The following CD96 variants were observed in gnomAD, a reference collection of about 807,000 sequenced individuals.
CD96 encodes the protein T-cell surface protein tactile.
A neutral mutation model predicts 71.3 loss-of-function variants in CD96; 70 were observed. That is an observed-to-expected ratio of 0.98 (90% CI 0.81 to 1.20). The LOEUF is 1.20. CD96 is among the 50% of genes most tolerant of loss of function. The pLI, the probability that CD96 is intolerant of heterozygous loss-of-function variation, is 0.00. For missense variants in CD96, 742 were observed against 677.5 expected (o/e 1.10, Z -1.06); for synonymous variants, 248 against 233.0 (o/e 1.06, Z -0.59).
chr3:111,659,154 T>A (rs1940298483), intron 14 of CD96, among the ~76,000 whole-genome samples: 1 of 152,212 alleles, frequency 6.6e-6, no homozygotes, highest in Non-Finnish European at 1.5e-5. Flanking sequence ...TCCTCTAGAT[T>A]TTCTAACTTC....
intron 4 of CD96, among the ~76,000 whole-genome samples, chr3:111,584,285 C>A (rs1481315561): frequency 6.6e-6 from 1 of 152,178 alleles, no homozygotes; most frequent in Non-Finnish European, 1.5e-5. Flanking sequence ...TTGTTCATAT[C>A]ACCATCAGCA....
rs943974653 is a variant in CD96, at chr3:111,649,847, C to A, written c.*41C>A. 4.1e-6 allele frequency: 5 copies of A among 1,212,220 alleles called. No individual in the cohort carries two copies. The highest frequency in any genetic ancestry group is 1.9e-4 in the Middle Eastern group (1 of 5,342). The allele number at this position is 1,212,220 out of a possible 1,614,324, so 75.1% of individuals were successfully genotyped here. A position where few individuals can be genotyped will look rare whatever the true frequency, so the allele number is the denominator to read the frequency against. On this transcript the variant is annotated 3_prime_UTR_variant, in exon 14 of 14. Coordinates refer to ENST00000352690, the MANE Select transcript of CD96 (RefSeq NM_005816.5). ...CCCCATGGCAGAACTCTGCTGGAAT[C>A]CTATTGAGAAGGTAGACATTGTGCT...
intron 9 of CD96, among the ~76,000 whole-genome samples, 158 bp downstream of exon 9, chr3:111,623,980 A>G (rs1938628250): frequency 6.6e-6 from 1 of 152,206 alleles, no homozygotes; most frequent in Non-Finnish European, 1.5e-5. Context: ...GTGACTATAT[A>G]TTGATATGAC....
At position 111,573,476 on chromosome 3, in the gene CD96, G is replaced by A. The variant is rs369957365; in HGVS notation, c.544-5551G>A. Among the ~76,000 whole-genome samples the A allele has an allele frequency of 1.3e-4, 20 of 152,278 alleles. No homozygotes were observed. In the East Asian group the frequency reaches 3.3e-3, roughly 25 times the overall value. On this transcript the variant is annotated intron_variant, in intron 3 of 13. Transcript: ENST00000352690. ...CTTAGAAAAGGTTATATCTGAGCTGGATAATTAAATAGTTGGCTAGCAAAA... is the reference window on the plus strand; with the variant it reads ...CTTAGAAAAGGTTATATCTGAGCTGAATAATTAAATAGTTGGCTAGCAAAA...
intron 2 of CD96, among the ~76,000 whole-genome samples, chr3:111,555,692 A>C (rs1934969915): frequency 6.6e-6 from 1 of 152,276 alleles, no homozygotes; most frequent in South Asian, 2.1e-4. Context: ...TTTGATTATG[A>C]TGTGTCTTTT....
downstream of CD96, among the ~76,000 whole-genome samples, chr3:111,653,378 C>G (rs113642536): frequency 1.3e-5 from 2 of 152,238 alleles, no homozygotes; most frequent in African/African-American, 4.8e-5. Flanking sequence ...ACATATAGAT[C>G]CAGAGGTAGG....
At chr3:111,570,636 C>T in intron 3 of CD96, 1 of 1,601,320 alleles carries the variant, frequency 6.2e-7, no homozygotes, top group Non-Finnish European at 8.6e-7. Context: ...CATGGCAGCT[C>T]ACACGTACAT....
At chr3:111,575,672 G>A in intron 3 of CD96, among the ~76,000 whole-genome samples, 1 of 152,200 alleles carries the variant, frequency 6.6e-6, no homozygotes, top group East Asian at 1.9e-4. Flanking sequence ...CTGGAGGCTG[G>A]GAAGTCCAAA....
At chr3:111,582,512 AT>A (rs1423280393) in intron 4 of CD96, among the ~76,000 whole-genome samples, 1 of 152,170 alleles carries the variant, frequency 6.6e-6, no homozygotes, top group African/African-American at 2.4e-5. Flanking sequence ...CAAGAATCAA[AT>A]GTTTCTCTGC....
rs114234816 is a variant in CD96, at chr3:111,632,648, A to G, written c.1322-4548A>G. 3.1e-3 allele frequency among the ~76,000 whole-genome samples: 474 copies of G among 152,334 alleles called. 4 individuals carry two copies. The highest frequency in any genetic ancestry group is 0.011 in the African/African-American group (460 of 41,576). ...TACCCAAAGGAATATAAATCATTCTATTATTCAAGACACATGCAAGGGTAT... is the reference window on the plus strand; with the variant it reads ...TACCCAAAGGAATATAAATCATTCTGTTATTCAAGACACATGCAAGGGTAT... On this transcript the variant is annotated intron_variant, in intron 10 of 13. Transcript: ENST00000352690.
intron 6 of CD96, among the ~76,000 whole-genome samples, chr3:111,599,364 T>C (rs1296069814): frequency 1.3e-5 from 2 of 152,170 alleles, no homozygotes; most frequent in Non-Finnish European, 2.9e-5. Context: ...GTTTTATTAG[T>C]TTATTTTTAA....
intron 5 of CD96, chr3:111,594,131 T>G: frequency 1.9e-6 from 3 of 1,613,950 alleles, no homozygotes; most frequent in Non-Finnish European, 2.5e-6. Flanking sequence ...CTCTTCCTCC[T>G]CCTTCATCTC....
chr3:111,594,534 C>G (rs1219003596), intron 5 of CD96: 1 of 254,578 alleles, frequency 3.9e-6, no homozygotes, highest in Non-Finnish European at 8.0e-6. Context: ...AATTACAAAG[C>G]TCTTTGATGA....
intron 5 of CD96, chr3:111,594,352 G>A: frequency 2.1e-6 from 2 of 932,888 alleles, no homozygotes; most frequent in Non-Finnish European, 3.2e-6. Flanking sequence ...CCTGGGTGGT[G>A]TGAGGTTTCT....
At chr3:111,554,512 T>G (rs1276257276) in intron 2 of CD96, among the ~76,000 whole-genome samples, 2 of 152,116 alleles carry the variant, frequency 1.3e-5, no homozygotes, top group Non-Finnish European at 2.9e-5. Context: ...TCTTATTTTC[T>G]TTTTTTGCAA....
intron 2 of CD96, among the ~76,000 whole-genome samples, chr3:111,556,537 T>C (rs1301225330): frequency 7.5e-6 from 1 of 133,174 alleles, no homozygotes; most frequent in African/African-American, 3.0e-5. Context: ...CGTGAACTCA[T>C]CATTTTTTAT....
At chr3:111,555,576 T>C (rs1293461665) in intron 2 of CD96, among the ~76,000 whole-genome samples, 2 of 152,302 alleles carry the variant, frequency 1.3e-5, no homozygotes, top group Non-Finnish European at 2.9e-5. Context: ...ATATTATTAG[T>C]CTGCTGAATG....
In CD96 at chr3:111,647,474, TG is replaced by T. The variant is rs1939885283; in HGVS notation, c.1478-67del. The T allele has an allele frequency of 2.9e-6, 4 of 1,396,774 alleles. No individual in the cohort carries two copies. In the South Asian group the frequency reaches 4.6e-5, roughly 16 times the overall value. The allele number at this position is 1,396,774 out of a possible 1,614,324, so 86.5% of individuals were successfully genotyped here. On this transcript the variant is annotated intron_variant, in intron 12 of 13. Transcript: ENST00000352690. ...GAAAATATGTTTCACGTAGGAAAAA[TG>T]GTTTAATCCTGTTTTCCAAATGCCA...
intron 7 of CD96, among the ~76,000 whole-genome samples, chr3:111,603,116 C>T (rs1440142553): frequency 6.6e-6 from 1 of 152,054 alleles, no homozygotes. Flanking sequence ...CCATGATCCA[C>T]AGTAACTACC....
Sources: gnomAD v4.1 joint callset for allele counts (sites outside exome capture counted in the v4.1 genomes callset) on GRCh38, gnomAD v4.1.1 for gene constraint, MANE v1.5 for transcripts, NCBI Gene and HGNC (gene_info 2026-07-23, HGNC 2026-07-21) for gene names.